KAT6A: variants seen among roughly 807,000 people sequenced by gnomAD.
KAT6A encodes lysine acetyltransferase 6A, also known as histone acetyltransferase KAT6A.
Under a neutral mutation model 198.4 loss-of-function variants are expected in KAT6A, and 9 were observed. The observed-to-expected ratio is 0.05, with a 90% confidence interval of 0.03 to 0.08. KAT6A has a LOEUF of 0.08. Ranked by LOEUF, KAT6A falls within the 10% of genes least tolerant of loss-of-function variation. KAT6A has a pLI of 1.00. For missense variants in KAT6A, 2,077 were observed against 2,509.9 expected (o/e 0.83, Z 3.69); for synonymous variants, 890 against 883.0 (o/e 1.01, Z -0.14).
At chr8:42,008,173 T>C (rs1205146781) in intron 2 of KAT6A, among the ~76,000 whole-genome samples, 1 of 151,952 alleles carries the variant, frequency 6.6e-6, no homozygotes, top group East Asian at 1.9e-4. Context: ...GTATGGCTGA[T>C]ATATACAGAG....
At chr8:42,035,527 G>A (rs1423720942) in intron 2 of KAT6A, among the ~76,000 whole-genome samples, 1 of 152,138 alleles carries the variant, frequency 6.6e-6, no homozygotes, top group Non-Finnish European at 1.5e-5. Flanking sequence ...GAACCTTAGG[G>A]AATCCAACAT....
chr8:41,957,139 G>C (rs1160286247), intron 8 of KAT6A: 1 of 601,196 alleles, frequency 1.7e-6, no homozygotes, highest in Non-Finnish European at 3.3e-6. Context: ...TGGATATCCA[G>C]TTCCAGTACA....
At chr8:42,034,701 G>A (rs1007548104) in intron 2 of KAT6A, among the ~76,000 whole-genome samples, 3 of 151,984 alleles carry the variant, frequency 2.0e-5, no homozygotes, top group African/African-American at 7.3e-5. Flanking sequence ...CACTCAACTG[G>A]CCATATTGCA....
chr8:42,048,965 C>T lies in KAT6A; in HGVS notation c.13G>A (p.Ala5Thr). 6.2e-7 allele frequency: 1 copy of T among 1,611,928 alleles called. No individual in the cohort carries two copies. Among genetic ancestry groups the T allele is most frequent in the Non-Finnish European group, 8.5e-7 (1 of 1,179,276 alleles). The change falls in exon 2 of 17, where the codon GCA becomes ACA. Residue 5 changes from alanine to threonine, a missense_variant. Coordinates refer to ENST00000265713, the MANE Select transcript of KAT6A (RefSeq NM_006766.5). MVKL[A>T]NPLYTEWILE... ...ATCCACTCAGTATAAAGCGGGTTTG[C>T]GAGTTTTACCATGGTGAAGGATTCT...
Position 41,962,881 on chromosome 8 carries a change from T to C in KAT6A, c.1483-7470A>G, listed in dbSNP as rs115327623. 4.4e-3 allele frequency among the ~76,000 whole-genome samples: 672 copies of C among 152,224 alleles called. 6 individuals carry two copies. Among genetic ancestry groups the C allele is most frequent in the African/African-American group, 0.014 (592 of 41,468 alleles). ...TTGTGACTCGGGTCTTTGCATTTCCTGTTCCTATGCCTGGAATGCTATTCC... is the reference window on the plus strand; with the variant it reads ...TTGTGACTCGGGTCTTTGCATTTCCCGTTCCTATGCCTGGAATGCTATTCC... On this transcript the variant is annotated intron_variant, in intron 8 of 16. Coordinates refer to ENST00000265713, the MANE Select transcript of KAT6A (RefSeq NM_006766.5).
chr8:41,997,091 T>C (rs1825251951), intron 2 of KAT6A, among the ~76,000 whole-genome samples: 1 of 152,276 alleles, frequency 6.6e-6, no homozygotes, highest in East Asian at 1.9e-4. Flanking sequence ...ACGTTCTGAA[T>C]GGATGGAAAA....
chr8:41,997,102 G>T (rs983453015), intron 2 of KAT6A, among the ~76,000 whole-genome samples: 1 of 152,162 alleles, frequency 6.6e-6, no homozygotes, highest in Non-Finnish European at 1.5e-5. Context: ...GGATGGAAAA[G>T]AAATTGATGG....
chr8:41,969,353 C>T (rs1823664525), intron 8 of KAT6A, among the ~76,000 whole-genome samples: 6 of 152,136 alleles, frequency 3.9e-5, no homozygotes, highest in Admixed American at 3.9e-4. Flanking sequence ...TCAACATGAA[C>T]TTTCCCAAGT....
intron 2 of KAT6A, among the ~76,000 whole-genome samples, chr8:42,011,854 T>A (rs1587822817): frequency 1.7e-5 from 2 of 120,768 alleles, no homozygotes; most frequent in Non-Finnish European, 1.7e-5. Flanking sequence ...AGCCCAAAAC[T>A]AACTTTAGGA....
intron 13 of KAT6A, 104 bp from the exon 14 acceptor site, chr8:41,943,104 T>C (rs1487770800): frequency 2.1e-6 from 3 of 1,429,472 alleles, no homozygotes; most frequent in East Asian, 4.7e-5. Flanking sequence ...TGATAGGTGC[T>C]GCAAAGATAG....
intron 8 of KAT6A, among the ~76,000 whole-genome samples, chr8:41,973,925 T>C (rs1823924306): frequency 6.6e-6 from 1 of 152,230 alleles, no homozygotes; most frequent in Admixed American, 6.5e-5. Flanking sequence ...TCAAGTATTC[T>C]ATAATTGAAC....
chr8:42,033,462 CAT>C (rs1433638474), intron 2 of KAT6A, among the ~76,000 whole-genome samples: 1 of 152,150 alleles, frequency 6.6e-6, no homozygotes, highest in Non-Finnish European at 1.5e-5. Flanking sequence ...CTAAGTTAGA[CAT>C]GTGATTTTTA....
chr8:41,943,714 C>A, intron 13 of KAT6A, 34 bp downstream of exon 13: 1 of 1,502,350 alleles, frequency 6.7e-7, no homozygotes, highest in Non-Finnish European at 9.2e-7. Context: ...ACCTAATTAT[C>A]TTTCAAAGGT....
intron 2 of KAT6A, among the ~76,000 whole-genome samples, chr8:42,047,307 A>C (rs1352023581): frequency 6.6e-6 from 1 of 152,256 alleles, no homozygotes; most frequent in Non-Finnish European, 1.5e-5. Context: ...TTTAAGCACC[A>C]AAATTTACTG....
chr8:42,045,570 A>C (rs987149100), intron 2 of KAT6A, among the ~76,000 whole-genome samples: 5 of 151,770 alleles, frequency 3.3e-5, no homozygotes, highest in Non-Finnish European at 5.9e-5. Context: ...CTCAAAAAAA[A>C]AAAAAAAACA....
At chr8:42,046,206 A>G (rs549145449) in intron 2 of KAT6A, among the ~76,000 whole-genome samples, 1 of 152,308 alleles carries the variant, frequency 6.6e-6, no homozygotes, top group South Asian at 2.1e-4. Context: ...TTTTAAAATT[A>G]TCTATTGATA....
At position 41,946,598 on chromosome 8, in the gene KAT6A, G is replaced by C. The variant is rs199835160; in HGVS notation, c.1989C>G (p.Ile663Met). The change falls in exon 12 of 17, where the codon ATC (isoleucine) becomes ATG (methionine). Residue 663 changes from isoleucine (I) to methionine (M), a missense_variant. Coordinates refer to ENST00000265713, the MANE Select transcript of KAT6A (RefSeq NM_006766.5). ...YQRKGYGRFL[I>M]DFSYLLSKRE... The stretch of plus-strand genomic sequence containing the variant: ...AATTAATATAATCCTTACTGAAATC[G>C]ATGAGAAACCTGCCATAGCCCTTAC... The C allele has an allele frequency of 6.5e-7, 1 of 1,545,626 alleles. No homozygotes were observed. Among genetic ancestry groups the C allele is most frequent in the Non-Finnish European group, 8.9e-7 (1 of 1,120,484 alleles).
intron 8 of KAT6A, among the ~76,000 whole-genome samples, chr8:41,971,448 C>T (rs775116564): frequency 6.6e-6 from 1 of 151,910 alleles, no homozygotes; most frequent in Non-Finnish European, 1.5e-5. Flanking sequence ...GAAGGGCCAT[C>T]GAGGCAAGGT....
chr8:41,941,027 T>C lies in KAT6A; in HGVS notation c.2854A>G (p.Lys952Glu). 1 of 1,614,216 alleles carries C rather than the reference T, an allele frequency of 6.2e-7. No homozygotes were observed. Among genetic ancestry groups the C allele is most frequent in the Non-Finnish European group, 8.5e-7 (1 of 1,180,050 alleles). ...CACTTCAGAGCCTCAGGGCTTTTCT[T>C]GAGCTGTCCTCGCCAGGGCTCAACC... ...EGVEPWRGQL[K>E]KSPEALKCRL... is the part of the protein sequence containing the mutation. The change falls in exon 15 of 17, where the codon AAG becomes GAG. Residue 952 changes from lysine to glutamate, a missense_variant. Lys to Glu is a moderately conservative substitution (Grantham distance 56). Transcript: ENST00000265713.
Sources: allele counts gnomAD v4.1 joint callset (sites outside exome capture counted in the v4.1 genomes callset), GRCh38; gene constraint gnomAD v4.1.1; transcripts MANE v1.5; gene names NCBI Gene and HGNC (gene_info 2026-07-23, HGNC 2026-07-21).